The following HSD17B13 variants were observed in gnomAD, a reference collection of about 807,000 sequenced individuals.
HSD17B13 encodes the protein 17-beta-hydroxysteroid dehydrogenase 13.
HSD17B13 carries 26 observed loss-of-function variants against 31.1 expected under a neutral mutation model. That is an observed-to-expected ratio of 0.84 (90% CI 0.61 to 1.16). The LOEUF is 1.16. Ranked by LOEUF, HSD17B13 falls within the 50% of genes most tolerant of loss-of-function variation. The pLI is 0.00. For missense variants in HSD17B13, 374 were observed against 366.5 expected (o/e 1.02, Z -0.17); for synonymous variants, 141 against 133.7 (o/e 1.05, Z -0.38).
intron 1 of HSD17B13, among the ~76,000 whole-genome samples, chr4:87,319,497 T>C (rs1734731843): frequency 6.6e-6 from 1 of 152,232 alleles, no homozygotes; most frequent in South Asian, 2.1e-4. Flanking sequence ...TATCATACAT[T>C]TGTTGAGCAC....
chr4:87,318,487 G>C (rs1188063583), intron 1 of HSD17B13, 51 bp from the exon 2 acceptor site: 2 of 1,490,394 alleles, frequency 1.3e-6, no homozygotes, highest in African/African-American at 2.8e-5. Flanking sequence ...GAAGACATTG[G>C]AGAAGAAAAA....
chr4:87,310,992 G>A (rs183342480), intron 5 of HSD17B13, among the ~76,000 whole-genome samples: 13 of 151,992 alleles, frequency 8.6e-5, no homozygotes, highest in Non-Finnish European at 1.2e-4. Context: ...TAAAGAAGCC[G>A]GCCAAAACCC....
chr4:87,304,688 G>C lies in HSD17B13; in HGVS notation c.*530C>G, dbSNP rs1734347408. On this transcript the variant is annotated 3_prime_UTR_variant, in exon 7 of 7. Transcript: ENST00000328546. ...GTCCAGAATAGAGTTGCACCGTTTT[G>C]GGCTAATGAAAAAGGAAGAGGCTAG... is the stretch of plus-strand genomic sequence containing the variant. 6.6e-6 allele frequency: 1 copy of C among 152,170 alleles called. No individual in the cohort carries two copies. The highest frequency in any genetic ancestry group is 2.4e-5 in the African/African-American group (1 of 41,422). The allele number at this position is 152,170 out of a possible 1,614,324, so 9.4% of individuals were successfully genotyped here. A position where few individuals can be genotyped will look rare whatever the true frequency, so the allele number is the denominator to read the frequency against.
chr4:87,321,056 G>A (rs1309223135), intron 1 of HSD17B13, among the ~76,000 whole-genome samples: 1 of 152,064 alleles, frequency 6.6e-6, no homozygotes, highest in African/African-American at 2.4e-5. Flanking sequence ...TTGAGACAGA[G>A]CCTGGCTCTA....
At chr4:87,307,393 A>C (rs62305721) in intron 6 of HSD17B13, among the ~76,000 whole-genome samples, 16,211 of 152,196 alleles carry the variant, frequency 0.11, 1,106 homozygotes, top group Non-Finnish European at 0.15. Context: ...TATGCATGTA[A>C]TTTTCAATAT....
At chr4:87,320,390 T>TG (rs1221197704) in intron 1 of HSD17B13, among the ~76,000 whole-genome samples, 1 of 143,482 alleles carries the variant, frequency 7.0e-6, no homozygotes, top group Non-Finnish European at 1.5e-5. Flanking sequence ...CAGTTTTTTT[T>TG]TTTTTTTTTT....
chr4:87,309,203 T>C lies in HSD17B13; in HGVS notation c.812+1040A>G, dbSNP rs545519239. Among the ~76,000 whole-genome samples the C allele has an allele frequency of 2.9e-3, 439 of 150,948 alleles. 3 individuals carry two copies. The highest frequency in any genetic ancestry group is 0.01 in the African/African-American group (425 of 41,178). On this transcript the variant is annotated intron_variant, in intron 6 of 6. Transcript: ENST00000328546. The stretch of plus-strand genomic sequence containing the variant: ...TTCGAGACCAGCCTGGCCAACATGG[T>C]GAAACCCTGTCTCTACTACAAACAC...
At chr4:87,322,181 A>G (rs1024778236) in intron 1 of HSD17B13, among the ~76,000 whole-genome samples, 1 of 152,206 alleles carries the variant, frequency 6.6e-6, no homozygotes, top group Admixed American at 6.5e-5. Context: ...TTTTCTGTAA[A>G]GGGTCAGACA....
intron 6 of HSD17B13, 91 bp downstream of exon 6, chr4:87,310,152 T>C: frequency 1.4e-6 from 2 of 1,404,226 alleles, no homozygotes; most frequent in Non-Finnish European, 1.9e-6. Context: ...CCAGCCAGGG[T>C]GACAGAGTGA....
chr4:87,306,736 C>T (rs933451311), intron 6 of HSD17B13, among the ~76,000 whole-genome samples: 5 of 151,666 alleles, frequency 3.3e-5, no homozygotes, highest in Middle Eastern at 3.2e-3. Flanking sequence ...GAAACCCTGT[C>T]TCTACTAAAA....
At chr4:87,317,378 A>AG (rs1175859861) in intron 2 of HSD17B13, among the ~76,000 whole-genome samples, 155 bp from the exon 3 acceptor site, 1 of 152,152 alleles carries the variant, frequency 6.6e-6, no homozygotes, top group Non-Finnish European at 1.5e-5. Context: ...GTGGAGGCCA[A>AG]GGGAACACTG....
In HSD17B13 at chr4:87,303,940, C is replaced by T. The variant is rs551017864; in HGVS notation, c.*1278G>A. The T allele has an allele frequency of 4.6e-5, 7 of 151,798 alleles. No individual in the cohort carries two copies. Among genetic ancestry groups the T allele is most frequent in the African/African-American group, 1.7e-4 (7 of 41,346 alleles). The allele number at this position is 151,798 out of a possible 1,614,324, so 9.4% of individuals were successfully genotyped here. On this transcript the variant is annotated 3_prime_UTR_variant, in exon 7 of 7. Coordinates refer to ENST00000328546, the MANE Select transcript of HSD17B13 (RefSeq NM_178135.5). ...AACAAGAGGATAGTCCATGCAAAAG[C>T]ATTCTATAATACATGTGAAAAACAC... is the stretch of plus-strand genomic sequence containing the variant.
chr4:87,318,272 C>A, intron 2 of HSD17B13, 57 bp downstream of exon 2: 1 of 1,309,302 alleles, frequency 7.6e-7, no homozygotes, highest in Non-Finnish European at 1.1e-6. Flanking sequence ...TCATTTTCCA[C>A]GTCAGCGTCC....
At chr4:87,316,843 A>C (rs1334103409) in intron 3 of HSD17B13, among the ~76,000 whole-genome samples, 2 of 152,180 alleles carry the variant, frequency 1.3e-5, no homozygotes, top group Non-Finnish European at 2.9e-5. Context: ...GGTACATGCC[A>C]AGCTTTGTGT....
intron 6 of HSD17B13, among the ~76,000 whole-genome samples, chr4:87,308,102 T>C (rs1013473422): frequency 1.3e-5 from 2 of 152,218 alleles, no homozygotes; most frequent in Admixed American, 1.3e-4. Context: ...TGCTATTTCA[T>C]ATAAATTCTG....
Position 87,315,432 on chromosome 4 carries a change from G to A in HSD17B13, c.557+61C>T, listed in dbSNP as rs540209689. The A allele has an allele frequency of 4.2e-6, 4 of 945,670 alleles. No individual in the cohort carries two copies. The East Asian group carries it at 7.6e-5, about 18-fold the overall frequency. 58.6% of individuals were successfully genotyped at this position (945,670 alleles called of 1,614,324 possible). A position where few individuals can be genotyped will look rare whatever the true frequency, so the allele number is the denominator to read the frequency against. On this transcript the variant is annotated intron_variant, in intron 4 of 6. Transcript: ENST00000328546. Reference sequence around the variant, plus strand: ...CAGGACTCTCCAGTGGTAACAATTTGAAGTGTAATGCTCCCTTCAAAGTAT... The same window carrying A: ...CAGGACTCTCCAGTGGTAACAATTTAAAGTGTAATGCTCCCTTCAAAGTAT...
In HSD17B13 at chr4:87,304,853, T is replaced by G. The variant is rs1369321927; in HGVS notation, c.*365A>C. 6.3e-6 allele frequency: 1 copy of G among 157,682 alleles called. No individual in the cohort carries two copies. Among genetic ancestry groups the G allele is most frequent in the Non-Finnish European group, 1.4e-5 (1 of 71,844 alleles). The allele number at this position is 157,682 out of a possible 1,614,324, so 9.8% of individuals were successfully genotyped here. A position where few individuals can be genotyped will look rare whatever the true frequency, so the allele number is the denominator to read the frequency against. On this transcript the variant is annotated 3_prime_UTR_variant, in exon 7 of 7. Coordinates refer to ENST00000328546, the MANE Select transcript of HSD17B13 (RefSeq NM_178135.5). ...CATGGCTACAGATTGGAATGCTACT[T>G]GAACAGTCTTAAACCTTCCCTGTGT... is the stretch of plus-strand genomic sequence containing the variant.
At chr4:87,309,083 T>G (rs989235358) in intron 6 of HSD17B13, among the ~76,000 whole-genome samples, 1 of 151,862 alleles carries the variant, frequency 6.6e-6, no homozygotes, top group Non-Finnish European at 1.5e-5. Context: ...TGCATTAGCG[T>G]CAAAAACCGT....
chr4:87,317,563 C>CTT lies in HSD17B13; in HGVS notation c.319-342_319-341dup, dbSNP rs869241617. Among the ~76,000 whole-genome samples the CTT allele has an allele frequency of 6.0e-3, 297 of 49,728 alleles. 56 individuals are homozygous for CTT. The highest frequency in any genetic ancestry group is 0.018 in the African/African-American group (219 of 11,866). 32.6% of individuals were successfully genotyped at this position (49,728 alleles called of 152,430 possible). A position where few individuals can be genotyped will look rare whatever the true frequency, so the allele number is the denominator to read the frequency against. On this transcript the variant is annotated intron_variant, in intron 2 of 6. Coordinates refer to ENST00000328546, the MANE Select transcript of HSD17B13 (RefSeq NM_178135.5). ...TTTTAAAAATGTGTTTTTCTTTAAACTTTTTTTTTTTTTTTTTTTTTTTTT... is the reference window on the plus strand; with the variant it reads ...TTTTAAAAATGTGTTTTTCTTTAAACTTTTTTTTTTTTTTTTTTTTTTTTTTT...
Sources: gnomAD v4.1 joint callset for allele counts (sites outside exome capture counted in the v4.1 genomes callset) on GRCh38, gnomAD v4.1.1 for gene constraint, MANE v1.5 for transcripts, NCBI Gene and HGNC (gene_info 2026-07-23, HGNC 2026-07-21) for gene names.